The following ZNF609 variants were observed in gnomAD, a reference collection of about 807,000 sequenced individuals.
ZNF609 encodes the protein zinc finger protein 609.
ZNF609 carries 11 observed loss-of-function variants against 109.5 expected under a neutral mutation model. The observed-to-expected ratio is 0.10, with a 90% CI of 0.06 to 0.17. The LOEUF is 0.17. ZNF609 is among the 10% of genes least tolerant of loss of function. The pLI is 1.00. For synonymous variants in ZNF609, 646 were observed against 662.0 expected, an observed-to-expected ratio of 0.98 and a Z score of 0.37; for missense variants, 1,559 against 1,772.4, an observed-to-expected ratio of 0.88 and a Z score of 2.16.
intron 2 of ZNF609, among the ~76,000 whole-genome samples, chr15:64,551,393 C>A (rs974245115): frequency 6.6e-6 from 1 of 152,002 alleles, no homozygotes; most frequent in Non-Finnish European, 1.5e-5. Context: ...CGGTGGCTCA[C>A]GCCTGTAATC....
intron 2 of ZNF609, among the ~76,000 whole-genome samples, chr15:64,547,373 T>C (rs1195508848): frequency 1.3e-5 from 2 of 152,190 alleles, no homozygotes; most frequent in East Asian, 3.8e-4. Context: ...GCCTTATCTT[T>C]GTAGGTCTCT....
chr15:64,521,002 T>G (rs764947844), intron 2 of ZNF609, among the ~76,000 whole-genome samples: 39 of 152,244 alleles, frequency 2.6e-4, no homozygotes, highest in Non-Finnish European at 5.1e-4. Flanking sequence ...TCGCTTTTAC[T>G]TTTAATTTAA....
At chr15:64,516,510 A>G (rs1164434909) in intron 2 of ZNF609, among the ~76,000 whole-genome samples, 1 of 152,100 alleles carries the variant, frequency 6.6e-6, no homozygotes, top group African/African-American at 2.4e-5. Flanking sequence ...AGTAGTTGGG[A>G]TGACAGGCAT....
rs1459473074 is a variant in ZNF609 at position 64,682,454 on chromosome 15, AGCATGAATGACGTCT to A, written c.*770_*784del. 6.5e-6 allele frequency: 1 copy of A among 152,718 alleles called. No homozygotes were observed. The highest frequency in any genetic ancestry group is 1.5e-5 in the Non-Finnish European group (1 of 68,092). The allele number at this position is 152,718 out of a possible 1,614,324, so 9.5% of individuals were successfully genotyped here. On this transcript the variant is annotated 3_prime_UTR_variant, in exon 10 of 10. Coordinates refer to ENST00000326648, the MANE Select transcript of ZNF609 (RefSeq NM_015042.2). ...GACACTGGGAGCAAGCTGGTGCTGG[AGCATGAATGACGTCT>A]GTGAAGTAGAACCTGCGTCCCCACT...
At chr15:64,599,515 C>T (rs531673376) in intron 2 of ZNF609, among the ~76,000 whole-genome samples, 10 of 152,114 alleles carry the variant, frequency 6.6e-5, no homozygotes, top group Non-Finnish European at 1.5e-4. Context: ...ACCTACATGT[C>T]TGATGCCTTG....
At chr15:64,670,240 A>T (rs1896705968) in intron 3 of ZNF609, 106 bp from the exon 4 acceptor site, 4 of 862,588 alleles carry the variant, frequency 4.6e-6, no homozygotes, top group African/African-American at 1.7e-5. Flanking sequence ...TACCCAGAGT[A>T]CCTCCTAAAC....
chr15:64,635,996 T>C (rs917017203), intron 3 of ZNF609, among the ~76,000 whole-genome samples: 13 of 152,172 alleles, frequency 8.5e-5, no homozygotes, highest in Non-Finnish European at 1.9e-4. Flanking sequence ...CAGCTGGAGA[T>C]AATTTCACCA....
rs1321752368 is a variant in ZNF609 at position 64,537,822 on chromosome 15, C to T, written c.747+37656C>T. Among the ~76,000 whole-genome samples, 7 of 151,976 alleles carry T rather than the reference C, an allele frequency of 4.6e-5. No homozygotes were observed. The East Asian group carries it at 1.2e-3, about 25-fold the overall frequency. ...TGAAAATGTATATCCTAGGGCTGGGCGCGGTGGCTCTCGCCTGTAATCCCA... is the reference window on the plus strand; with the variant it reads ...TGAAAATGTATATCCTAGGGCTGGGTGCGGTGGCTCTCGCCTGTAATCCCA... On this transcript the variant is annotated intron_variant, in intron 2 of 9. Transcript: ENST00000326648.
intron 2 of ZNF609, among the ~76,000 whole-genome samples, chr15:64,550,784 C>T (rs543784676): frequency 7.5e-5 from 11 of 145,914 alleles, no homozygotes; most frequent in Admixed American, 2.9e-4. Flanking sequence ...TGCAGTGAGC[C>T]GATGATCGTG....
chr15:64,540,401 TTTTTTA>T (rs970863351), intron 2 of ZNF609, among the ~76,000 whole-genome samples: 5 of 152,100 alleles, frequency 3.3e-5, no homozygotes, highest in Admixed American at 2.0e-4. Flanking sequence ...GTGTGTTTTG[TTTTTTA>T]TTTTTGTTTT....
chr15:64,581,648 A>G (rs1895107094), intron 2 of ZNF609, among the ~76,000 whole-genome samples: 1 of 151,992 alleles, frequency 6.6e-6, no homozygotes, highest in South Asian at 2.1e-4. Context: ...GTTCTGCCCC[A>G]TCTAGTGATT....
intron 2 of ZNF609, among the ~76,000 whole-genome samples, chr15:64,611,736 CT>C (rs908372761): frequency 1.7e-3 from 244 of 143,188 alleles, no homozygotes; most frequent in African/African-American, 1.3e-3. Flanking sequence ...ATTTTCTTTT[CT>C]TTTTTTTTTT....
At chr15:64,536,916 GAAAAAAAAAAAAA>G (rs60594462) in intron 2 of ZNF609, among the ~76,000 whole-genome samples, 1 of 55,400 alleles carries the variant, frequency 1.8e-5, no homozygotes, top group Non-Finnish European at 3.1e-5. Flanking sequence ...TCTCAAAAAA[GAAAAAAAAAAAAA>G]AAAAAAAAAA....
intron 2 of ZNF609, among the ~76,000 whole-genome samples, chr15:64,576,312 T>G (rs753200379): frequency 2.0e-5 from 3 of 152,136 alleles, no homozygotes; most frequent in Non-Finnish European, 4.4e-5. Flanking sequence ...GCTGCCAGTT[T>G]CATGAGGCTT....
intron 2 of ZNF609, among the ~76,000 whole-genome samples, chr15:64,607,806 T>TA (rs1482490744): frequency 1.4e-5 from 2 of 146,664 alleles, no homozygotes; most frequent in Non-Finnish European, 3.0e-5. Flanking sequence ...CACCTGGCCT[T>TA]AAATGTTTTC....
chr15:64,639,620 T>C (rs1465101789), intron 3 of ZNF609, among the ~76,000 whole-genome samples: 2 of 152,214 alleles, frequency 1.3e-5, no homozygotes, highest in South Asian at 2.1e-4. Context: ...TGACCTTATC[T>C]TGATAACTTG....
At chr15:64,564,162 G>A (rs1198703666) in intron 2 of ZNF609, among the ~76,000 whole-genome samples, 1 of 149,248 alleles carries the variant, frequency 6.7e-6, no homozygotes, top group East Asian at 2.0e-4. Flanking sequence ...CATGTTGTAT[G>A]CGCTGGCTGC....
chr15:64,630,402 C>T (rs1896052569), intron 3 of ZNF609, among the ~76,000 whole-genome samples: 1 of 151,942 alleles, frequency 6.6e-6, no homozygotes, highest in African/African-American at 2.4e-5. Flanking sequence ...GCTCAAACCT[C>T]CCTAGTCATC....
intron 1 of ZNF609, among the ~76,000 whole-genome samples, chr15:64,475,337 C>T (rs1319490023): frequency 6.7e-6 from 1 of 150,068 alleles, no homozygotes; most frequent in East Asian, 2.0e-4. Flanking sequence ...TCATCCTCCT[C>T]TTTATCTCTA....
Sources: allele counts gnomAD v4.1 joint callset (sites outside exome capture counted in the v4.1 genomes callset), GRCh38; gene constraint gnomAD v4.1.1; transcripts MANE v1.5; gene names NCBI Gene and HGNC (gene_info 2026-07-23, HGNC 2026-07-21).